The following GLI3 variants were observed in gnomAD, a reference collection of about 807,000 sequenced individuals.
The protein encoded by GLI3 is transcription activator GLI3.
Under a neutral mutation model 100.8 loss-of-function variants are expected in GLI3, and 20 were observed. The observed-to-expected ratio is 0.20, with a 90% CI of 0.14 to 0.29. The LOEUF is 0.29. Among genes scored for constraint, GLI3 ranks in the 10% least tolerant of loss-of-function variants. The pLI is 1.00. For missense variants in GLI3, 2,040 were observed against 2,128.5 expected, an observed-to-expected ratio of 0.96 and a Z score of 0.82; for synonymous variants, 938 against 860.5, an observed-to-expected ratio of 1.09 and a Z score of -1.58.
At chr7:42,112,163 G>A (rs114454698) in intron 3 of GLI3, among the ~76,000 whole-genome samples, 2 of 152,120 alleles carry the variant, frequency 1.3e-5, no homozygotes, top group East Asian at 3.8e-4. Context: ...ACTCTTTCTG[G>A]AAACCAACGC....
chr7:42,082,980 A>G (rs961905622), intron 3 of GLI3, among the ~76,000 whole-genome samples: 2 of 152,232 alleles, frequency 1.3e-5, no homozygotes, highest in African/African-American at 4.8e-5. Context: ...CATGCAACAC[A>G]TAACAAGCAT....
At chr7:42,149,917 T>C (rs538884452) in intron 2 of GLI3, 5 of 152,260 alleles carry the variant, frequency 3.3e-5, no homozygotes, top group Admixed American at 3.3e-4. Context: ...AAATAACAAA[T>C]ACTATTTATG....
rs567619300 is a variant in GLI3, at chr7:42,062,731, A to G, written c.473+14021T>C. Among the ~76,000 whole-genome samples, 379 of 151,864 alleles carry G rather than the reference A, an allele frequency of 2.5e-3. 2 individuals are homozygous for G. Among genetic ancestry groups the G allele is most frequent in the African/African-American group, 8.8e-3 (363 of 41,294 alleles). ...CACACAGACACACACACACACACAC[A>G]CACATTTCTAAGAGCAGCCTGAACT... is the stretch of plus-strand genomic sequence containing the variant. On this transcript the variant is annotated intron_variant, in intron 4 of 14. Transcript: ENST00000395925.
chr7:42,070,451 A>G (rs1387491221), intron 4 of GLI3, among the ~76,000 whole-genome samples: 3 of 152,202 alleles, frequency 2.0e-5, no homozygotes, highest in Non-Finnish European at 4.4e-5. Context: ...CTTCATTTTC[A>G]CTAGCAAGGC....
At chr7:42,195,371 C>T (rs181355977) in intron 2 of GLI3, among the ~76,000 whole-genome samples, 1 of 152,330 alleles carries the variant, frequency 6.6e-6, no homozygotes, top group East Asian at 1.9e-4. Context: ...TCCCCAGTCC[C>T]AGTAAGGTGA....
intron 3 of GLI3, among the ~76,000 whole-genome samples, chr7:42,093,022 C>T (rs1167184699): frequency 6.6e-6 from 1 of 151,870 alleles, no homozygotes; most frequent in African/African-American, 2.4e-5. Context: ...CCATGTTGAC[C>T]AGGCTGGTTT....
chr7:42,198,978 C>A (rs950115498), intron 2 of GLI3, among the ~76,000 whole-genome samples: 3 of 150,166 alleles, frequency 2.0e-5, no homozygotes, highest in African/African-American at 4.9e-5. Flanking sequence ...AATTTCACTG[C>A]CAACTAAAAT....
At chr7:41,985,334 T>C (rs1009367325) in intron 10 of GLI3, among the ~76,000 whole-genome samples, 1 of 152,362 alleles carries the variant, frequency 6.6e-6, no homozygotes. Context: ...ATTAATACAC[T>C]GAACAGGATT....
intron 2 of GLI3, among the ~76,000 whole-genome samples, chr7:42,207,912 C>G (rs1397253118): frequency 6.6e-6 from 1 of 152,206 alleles, no homozygotes; most frequent in Non-Finnish European, 1.5e-5. Context: ...AATCACAGCA[C>G]TTTGAGAGGC....
rs150946162 is a variant in GLI3, at chr7:42,002,603, C to T, written c.1497+20865G>A. 6.7e-4 allele frequency among the ~76,000 whole-genome samples: 102 copies of T among 152,306 alleles called. 2 individuals are homozygous for T. In the East Asian group the frequency reaches 0.018, roughly 27 times the overall value. ...AGTATTGCCTGAGAATCTATTTTCA[C>T]TTGACCACAGAATATCATATATATC... On this transcript the variant is annotated intron_variant, in intron 10 of 14. Transcript: ENST00000395925.
intron 13 of GLI3, among the ~76,000 whole-genome samples, chr7:41,969,459 A>G (rs941369677): frequency 1.3e-5 from 2 of 152,196 alleles, no homozygotes; most frequent in Non-Finnish European, 2.9e-5. Context: ...GCAAATGAAC[A>G]CTTTCTAAGT....
At position 42,048,512 on chromosome 7, in the gene GLI3, G is replaced by A. The variant is rs758039889; in HGVS notation, c.658C>T (p.Arg220Cys). ...SPSLSMISAT[R>C]GLSPTDAPHA... is the part of the protein sequence containing the mutation. Reference sequence around the variant, plus strand: ...TTACCATCTGTAGGGCTCAGCCCACGGGTTGCTGAGATCATGGAGAGCGAT... The same window carrying A: ...TTACCATCTGTAGGGCTCAGCCCACAGGTTGCTGAGATCATGGAGAGCGAT... The change falls in exon 5 of 15, where the codon CGT becomes TGT. Residue 220 changes from arginine to cysteine, a missense_variant. Coordinates refer to ENST00000395925, the MANE Select transcript of GLI3 (RefSeq NM_000168.6). 1.2e-5 allele frequency: 20 copies of A among 1,611,348 alleles called. No individual in the cohort carries two copies. The East Asian group carries it at 1.8e-4, about 14-fold the overall frequency.
intron 10 of GLI3, among the ~76,000 whole-genome samples, chr7:41,987,631 G>C (rs1318184570): frequency 1.3e-5 from 2 of 152,198 alleles, no homozygotes; most frequent in African/African-American, 2.4e-5. Flanking sequence ...ACTTTGTGCA[G>C]AGTTGTTAAC....
At chr7:42,144,484 T>A (rs79099151) in intron 3 of GLI3, among the ~76,000 whole-genome samples, 6,568 of 152,262 alleles carry the variant, frequency 0.043, 198 homozygotes, top group Admixed American at 0.12. Flanking sequence ...GGAGATTTTA[T>A]TCTAAACATA....
chr7:42,096,811 C>T (rs1016080022), intron 3 of GLI3, among the ~76,000 whole-genome samples: 2 of 152,156 alleles, frequency 1.3e-5, no homozygotes, highest in African/African-American at 4.8e-5. Context: ...CTCCAAGGGC[C>T]TGGTGCCATC....
At chr7:42,229,310 C>G (rs1464632550) in intron 1 of GLI3, among the ~76,000 whole-genome samples, 2 of 152,010 alleles carry the variant, frequency 1.3e-5, no homozygotes, top group African/African-American at 4.8e-5. Context: ...TAATGATAAC[C>G]CGATCTGTTT....
intron 1 of GLI3, among the ~76,000 whole-genome samples, chr7:42,261,287 T>C (rs1789137621): frequency 1.3e-5 from 2 of 151,922 alleles, no homozygotes; most frequent in Admixed American, 1.3e-4. Flanking sequence ...TGATCAGATC[T>C]CATGAGAACT....
intron 3 of GLI3, among the ~76,000 whole-genome samples, chr7:42,116,829 C>A (rs1349287164): frequency 8.0e-6 from 1 of 125,398 alleles, no homozygotes. Flanking sequence ...TAAGAGGTCT[C>A]ATAAGAGACC....
chr7:42,023,339 T>G, intron 10 of GLI3, 129 bp downstream of exon 10: 1 of 899,660 alleles, frequency 1.1e-6, no homozygotes, highest in Non-Finnish European at 1.8e-6. Context: ...TCTCAGAAAG[T>G]CATAAAGCCC....
Sources: gnomAD v4.1 joint callset for allele counts (sites outside exome capture counted in the v4.1 genomes callset) on GRCh38, gnomAD v4.1.1 for gene constraint, MANE v1.5 for transcripts, NCBI Gene and HGNC (gene_info 2026-07-23, HGNC 2026-07-21) for gene names.